RHEX: variants seen among roughly 807,000 people sequenced by gnomAD.
The protein encoded by RHEX is regulator of hemoglobinization and erythroid cell expansion.
RHEX carries 18 observed loss-of-function variants against 20.1 expected under a neutral mutation model. That is an observed-to-expected ratio of 0.90 (90% CI 0.62 to 1.33). The LOEUF is 1.33. Among genes scored for constraint, RHEX ranks in the 40% most tolerant of loss-of-function variants. The probability of loss-of-function intolerance (pLI) is 0.00; values close to 1 mark genes in which losing one functional copy is unlikely to be tolerated. For synonymous variants in RHEX, 87 were observed against 77.1 expected (o/e 1.13, Z -0.67); for missense variants, 192 against 214.3 (o/e 0.90, Z 0.65).
chr1:206,059,514 A>G (rs1662264260), intron 1 of RHEX, among the ~76,000 whole-genome samples: 1 of 152,166 alleles, frequency 6.6e-6, no homozygotes, highest in Non-Finnish European at 1.5e-5. Flanking sequence ...TTGCACAGCC[A>G]GCTCCCCAAG....
intron 1 of RHEX, chr1:206,062,142 G>A (rs111732061): frequency 0.014 from 2,065 of 152,372 alleles, 44 homozygotes; most frequent in African/African-American, 0.047. Context: ...CCCAGGGGGC[G>A]GAAGTTGCAG....
In RHEX at chr1:206,067,356, A is replaced by G. The variant is rs547708876; in HGVS notation, c.-97+14091A>G. ...CTAGGAGATTTTAGTGGCAATGTAG[A>G]TAGTTCTTCCTAGCTCTGAGCTCAA... On this transcript the variant is annotated intron_variant, in intron 1 of 5. Transcript: ENST00000331555. The surrounding 1 kb of genome is among the most constrained non-coding windows in gnomAD (Gnocchi z 4.6). Among the ~76,000 whole-genome samples the G allele has an allele frequency of 7.9e-5, 12 of 152,272 alleles. No homozygotes were observed. The South Asian group carries it at 2.5e-3, about 32-fold the overall frequency.
intron 1 of RHEX, chr1:206,060,622 G>C (rs1662291372): frequency 6.6e-6 from 1 of 152,592 alleles, no homozygotes; most frequent in South Asian, 2.1e-4. Context: ...GGAAGTGGGA[G>C]AGCTTCTACA....
At chr1:206,063,734 G>T (rs185834052) in intron 1 of RHEX, among the ~76,000 whole-genome samples, 41 of 152,328 alleles carry the variant, frequency 2.7e-4, no homozygotes, top group Admixed American at 8.5e-4. Context: ...CGTGATCTCG[G>T]CTGGCTACAA....
Position 206,093,080 on chromosome 1 carries a change from G to A in RHEX, c.-96-4653G>A, listed in dbSNP as rs966184497. Among the ~76,000 whole-genome samples, 4 of 152,192 alleles carry A rather than the reference G, an allele frequency of 2.6e-5. No individual in the cohort carries two copies. In the South Asian group the frequency reaches 8.3e-4, roughly 32 times the overall value. ...AAGTGACAGAGCCAGGAGAAGGCAG[G>A]CCCTAGCTCCCTTCTTTCCCCTTCT... On this transcript the variant is annotated intron_variant, in intron 1 of 5. Transcript: ENST00000331555.
chr1:206,075,618 T>TC (rs1553285153), intron 1 of RHEX, among the ~76,000 whole-genome samples: 3 of 151,874 alleles, frequency 2.0e-5, no homozygotes, highest in Non-Finnish European at 4.4e-5. Context: ...TTTTTTTTTT[T>TC]GAGACAGAGT....
intron 1 of RHEX, among the ~76,000 whole-genome samples, chr1:206,068,411 A>G (rs1553284375): frequency 6.6e-6 from 1 of 152,188 alleles, no homozygotes; most frequent in Admixed American, 6.5e-5. Context: ...AACCTCAGTA[A>G]AGCCACTGAA....
At chr1:206,059,886 C>G (rs1662276749) in intron 1 of RHEX, among the ~76,000 whole-genome samples, 1 of 152,182 alleles carries the variant, frequency 6.6e-6, no homozygotes, top group African/African-American at 2.4e-5. Context: ...CCTGCCACCT[C>G]TTCCTAGCCG....
intron 1 of RHEX, among the ~76,000 whole-genome samples, chr1:206,093,030 C>G (rs887990930): frequency 3.9e-5 from 6 of 152,178 alleles, no homozygotes; most frequent in Non-Finnish European, 7.3e-5. Context: ...GGGGACATCT[C>G]CCTGTCCAAA....
At chr1:206,057,343 CAA>C (rs1662213336) in intron 1 of RHEX, among the ~76,000 whole-genome samples, 1 of 152,220 alleles carries the variant, frequency 6.6e-6, no homozygotes, top group African/African-American at 2.4e-5. Context: ...ACCACCCTGA[CAA>C]ATTTTGGGTT....
chr1:206,089,190 T>A (rs1553286692), intron 1 of RHEX, among the ~76,000 whole-genome samples: 1 of 152,196 alleles, frequency 6.6e-6, no homozygotes, highest in Non-Finnish European at 1.5e-5. Context: ...ACTTTTTTTT[T>A]TTCTAAATAG....
intron 1 of RHEX, among the ~76,000 whole-genome samples, chr1:206,081,464 T>G (rs192388281): frequency 7.2e-5 from 11 of 152,310 alleles, no homozygotes; most frequent in Admixed American, 2.0e-4. Flanking sequence ...AAAAATGTAG[T>G]CCAGAGGGGA....
chr1:206,070,552 A>G (rs782439043), intron 1 of RHEX, among the ~76,000 whole-genome samples: 2 of 152,202 alleles, frequency 1.3e-5, no homozygotes, highest in Non-Finnish European at 2.9e-5. Context: ...GAAATCTCCC[A>G]TGTGTCTGGA....
intron 4 of RHEX, 68 bp from the exon 5 acceptor site, chr1:206,101,068 T>C: frequency 7.9e-7 from 1 of 1,261,048 alleles, no homozygotes; most frequent in South Asian, 1.4e-5. Flanking sequence ...CTCCCTTCCA[T>C]TGTCTCTATC....
At chr1:206,080,383 T>C (rs1205447468) in intron 1 of RHEX, 2 of 152,172 alleles carry the variant, frequency 1.3e-5, no homozygotes, top group Non-Finnish European at 2.9e-5. Flanking sequence ...TACTTTAAAA[T>C]AGAGAAAACA....
chr1:206,087,673 T>C (rs1662865872), intron 1 of RHEX, among the ~76,000 whole-genome samples: 1 of 152,258 alleles, frequency 6.6e-6, no homozygotes, highest in African/African-American at 2.4e-5. Context: ...ATCATCTCAA[T>C]GTTCTATTAA....
intron 1 of RHEX, chr1:206,061,536 G>C (rs1553283315): frequency 6.6e-6 from 1 of 152,216 alleles, no homozygotes; most frequent in African/African-American, 2.4e-5. Context: ...CTGAGATCTA[G>C]GGCTTGTGCA....
chr1:206,091,857 C>G lies in RHEX; in HGVS notation c.-96-5876C>G, dbSNP rs146939814. ...TTGATATTACCATATATATATACCTCCATATTCATAAATGAGATGAACCCA... is the reference window on the plus strand; with the variant it reads ...TTGATATTACCATATATATATACCTGCATATTCATAAATGAGATGAACCCA... On this transcript the variant is annotated intron_variant, in intron 1 of 5. Coordinates refer to ENST00000331555, the MANE Select transcript of RHEX (RefSeq NM_001007544.4). Among the ~76,000 whole-genome samples, 104 of 152,246 alleles carry G rather than the reference C, an allele frequency of 6.8e-4. 2 individuals are homozygous for G. In the East Asian group the frequency reaches 0.018, roughly 27 times the overall value.
At chr1:206,065,930 G>A (rs1553284126) in intron 1 of RHEX, among the ~76,000 whole-genome samples, 1 of 152,220 alleles carries the variant, frequency 6.6e-6, no homozygotes, top group East Asian at 1.9e-4. Context: ...CTTTAGCCAG[G>A]ACTGGGCTTG....
Sources: gnomAD v4.1 joint callset for allele counts (sites outside exome capture counted in the v4.1 genomes callset) on GRCh38, gnomAD v4.1.1 for gene constraint, Gnocchi (gnomAD v3.1) non-coding constraint, MANE v1.5 for transcripts, NCBI Gene and HGNC (gene_info 2026-07-23, HGNC 2026-07-21) for gene names.